BZW2: variants seen among roughly 807,000 people sequenced by gnomAD.
The protein encoded by BZW2 is eIF5-mimic protein 1.
BZW2 carries 23 observed loss-of-function variants against 53.2 expected under a neutral mutation model. The ratio of observed to expected loss-of-function variants is 0.43; its 90% CI spans 0.31 to 0.61. The LOEUF (loss-of-function observed/expected upper bound fraction) is 0.61. Ranked by LOEUF, BZW2 falls within the 20% of genes least tolerant of loss-of-function variation. BZW2 has a pLI of 0.09. For missense variants in BZW2, 409 were observed against 503.1 expected (o/e 0.81, Z 1.79); for synonymous variants, 227 against 186.4 (o/e 1.22, Z -1.77).
intron 8 of BZW2, 50 bp from the exon 9 acceptor site, chr7:16,696,865 G>C (rs1783509633): frequency 6.3e-7 from 1 of 1,591,220 alleles, no homozygotes; most frequent in East Asian, 2.2e-5. Flanking sequence ...GGGGAGATGG[G>C]AGCCCTCCAT....
chr7:16,682,713 G>T, intron 4 of BZW2, 67 bp from the exon 5 acceptor site: 1 of 940,392 alleles, frequency 1.1e-6, no homozygotes, highest in South Asian at 1.7e-5. Context: ...TCATTATAGT[G>T]AGTTTCTATT....
intron 1 of BZW2, among the ~76,000 whole-genome samples, chr7:16,648,931 T>C (rs796678896): frequency 1.7e-4 from 26 of 152,338 alleles, no homozygotes; most frequent in African/African-American, 6.0e-4. Context: ...AAGGGAAATA[T>C]ACATGCTAGT....
chr7:16,705,965 G>C, intron 11 of BZW2, 95 bp from the exon 12 acceptor site: 1 of 1,384,496 alleles, frequency 7.2e-7, no homozygotes, highest in Non-Finnish European at 1.0e-6. Flanking sequence ...GTATGCTGGT[G>C]CAATGGCAGG....
At chr7:16,679,528 C>T (rs931596265) in intron 3 of BZW2, among the ~76,000 whole-genome samples, 8 of 152,196 alleles carry the variant, frequency 5.3e-5, no homozygotes, top group Admixed American at 4.6e-4. Context: ...AAGTCTGAAG[C>T]CCATAGAGGG....
intron 10 of BZW2, among the ~76,000 whole-genome samples, chr7:16,700,583 G>A (rs1783635088): frequency 6.6e-6 from 1 of 152,252 alleles, no homozygotes; most frequent in South Asian, 2.1e-4. Flanking sequence ...GTAGGGCCAG[G>A]GTTGGGCCTG....
chr7:16,696,342 A>T (rs2128368261), intron 8 of BZW2, among the ~76,000 whole-genome samples: 1 of 152,330 alleles, frequency 6.6e-6, no homozygotes, highest in Non-Finnish European at 1.5e-5. Flanking sequence ...TCAAAGGAGA[A>T]AATAAGTTGC....
At chr7:16,704,467 T>C (rs1258594759) in intron 10 of BZW2, 80 bp from the exon 11 acceptor site, 1 of 1,337,004 alleles carries the variant, frequency 7.5e-7, no homozygotes, top group Non-Finnish European at 1.0e-6. Context: ...GATTGCTTTC[T>C]ATTAAACTGT....
intron 6 of BZW2, chr7:16,687,435 T>C (rs1029032594): frequency 6.6e-6 from 1 of 152,068 alleles, no homozygotes; most frequent in African/African-American, 2.4e-5. Flanking sequence ...ATTAAGAAAA[T>C]GCTGGGTATG....
At chr7:16,699,062 A>C (rs1783588356) in intron 10 of BZW2, among the ~76,000 whole-genome samples, 1 of 152,212 alleles carries the variant, frequency 6.6e-6, no homozygotes, top group Non-Finnish European at 1.5e-5. Flanking sequence ...AAAAATGCTT[A>C]ATAGCATTTC....
At chr7:16,674,667 T>C in intron 3 of BZW2, 79 bp downstream of exon 3, 3 of 1,191,692 alleles carry the variant, frequency 2.5e-6, no homozygotes, top group Non-Finnish European at 3.3e-6. Context: ...TAAGATAGAG[T>C]CTTTATAAGT....
chr7:16,676,439 T>G (rs1782767929), intron 3 of BZW2, among the ~76,000 whole-genome samples: 1 of 152,080 alleles, frequency 6.6e-6, no homozygotes. Flanking sequence ...TCCCAGCTAC[T>G]CAGGGGGCTG....
intron 9 of BZW2, among the ~76,000 whole-genome samples, chr7:16,697,330 A>T (rs1401407896): frequency 1.3e-5 from 2 of 152,136 alleles, no homozygotes; most frequent in East Asian, 3.9e-4. Context: ...CATTCAAGCT[A>T]TCCTCCTGCC....
intron 1 of BZW2, among the ~76,000 whole-genome samples, chr7:16,651,567 A>G (rs919105776): frequency 2.0e-5 from 3 of 152,244 alleles, no homozygotes; most frequent in African/African-American, 7.2e-5. Context: ...GTCGGTGCAG[A>G]GGAAACTGCT....
rs1247503549 is a variant in BZW2, at chr7:16,704,952, C to CAT, written c.1231+284_1231+285dup. ...TAGTAGATGTGAAAGGAGAAAAATA[C>CAT]ATTTAGCTTAATCACGCATTATGGA... On this transcript the variant is annotated intron_variant, in intron 11 of 11. Transcript: ENST00000258761. 2.0e-5 allele frequency among the ~76,000 whole-genome samples: 3 copies of CAT among 152,206 alleles called. No homozygotes were observed. In the East Asian group the frequency reaches 5.8e-4, roughly 29 times the overall value.
chr7:16,665,458 G>A lies in BZW2; in HGVS notation c.15G>A (p.Gln5=). The A allele has an allele frequency of 6.2e-7, 1 of 1,614,010 alleles. No homozygotes were observed. Among genetic ancestry groups the A allele is most frequent in the Non-Finnish European group, 8.5e-7 (1 of 1,180,012 alleles). The change falls in exon 2 of 12, where the codon CAG becomes CAA. Residue 5 remains glutamine (Q), a synonymous_variant. Transcript: ENST00000258761. The part of the protein sequence containing the change: MNKH[Q]KPVLTGQRFK... ...TCAGAAATTTTATGAATAAGCATCA[G>A]AAGCCAGTGCTAACAGGCCAGCGGT...
rs554168657 is a variant in BZW2 at position 16,663,493 on chromosome 7, G to A, written c.-7-1944G>A. ...CTTCTAAAATAATGATTAACTTGAC[G>A]TTTTCAATAATAAACAGATTTTTTA... On this transcript the variant is annotated intron_variant, in intron 1 of 11. Coordinates refer to ENST00000258761, the MANE Select transcript of BZW2 (RefSeq NM_014038.3). 2.9e-4 allele frequency among the ~76,000 whole-genome samples: 44 copies of A among 151,908 alleles called. 1 individual carries two copies. The South Asian group carries it at 8.7e-3, about 30-fold the overall frequency.
chr7:16,657,980 G>A (rs988904165), intron 1 of BZW2, among the ~76,000 whole-genome samples: 1 of 152,180 alleles, frequency 6.6e-6, no homozygotes, highest in Non-Finnish European at 1.5e-5. Context: ...TTTTCTAAAA[G>A]CCAAAGTATG....
intron 9 of BZW2, among the ~76,000 whole-genome samples, chr7:16,697,322 T>C (rs1191074494): frequency 6.6e-6 from 1 of 152,124 alleles, no homozygotes. Flanking sequence ...AACTCCTGCA[T>C]TCAAGCTATC....
intron 3 of BZW2, among the ~76,000 whole-genome samples, chr7:16,678,341 G>A (rs929918300): frequency 6.6e-6 from 1 of 151,726 alleles, no homozygotes; most frequent in Non-Finnish European, 1.5e-5. Context: ...CACCACGCCC[G>A]GCCCCATTGT....
Sources: allele counts gnomAD v4.1 joint callset (sites outside exome capture counted in the v4.1 genomes callset), GRCh38; gene constraint gnomAD v4.1.1; transcripts MANE v1.5; gene names NCBI Gene and HGNC (gene_info 2026-07-23, HGNC 2026-07-21).